Variants in CREM observed in about 807,000 individuals in gnomAD.
The protein encoded by CREM is cAMP-responsive element modulator.
Under a neutral mutation model 37.3 loss-of-function variants are expected in CREM, and 13 were observed. The observed-to-expected ratio is 0.35, with a 90% CI of 0.23 to 0.55. CREM has a LOEUF of 0.55. Among genes scored for constraint, CREM ranks in the 20% least tolerant of loss-of-function variants. The pLI, the probability that CREM is intolerant of heterozygous loss-of-function variation, is 0.88. For synonymous variants in CREM, 124 were observed against 120.2 expected (o/e 1.03, Z -0.21); for missense variants, 296 against 362.3 (o/e 0.82, Z 1.49).
chr10:35,194,871 C>G (rs1171605169), intron 6 of CREM, among the ~76,000 whole-genome samples: 1 of 151,040 alleles, frequency 6.6e-6, no homozygotes, highest in Admixed American at 6.6e-5. Flanking sequence ...CTGTAAGATA[C>G]AATCATGTAA....
At position 35,126,868 on chromosome 10, in the gene CREM, C is replaced by G. The variant is rs2135177601; in HGVS notation, c.-380C>G. On this transcript the variant is annotated 5_prime_UTR_variant, in exon 1 of 8. Transcript: ENST00000685392. ...TTCATTGTTGGATTGTGGCGCTTCA[C>G]TCCTGCTGGCGGCCGGCAGGGGGCG... 6.6e-6 allele frequency: 1 copy of G among 152,456 alleles called. No homozygotes were observed. Among genetic ancestry groups the G allele is most frequent in the South Asian group, 2.1e-4 (1 of 4,830 alleles). 9.4% of individuals were successfully genotyped at this position (152,456 alleles called of 1,614,324 possible).
chr10:35,156,291 C>G (rs11598666), intron 3 of CREM, among the ~76,000 whole-genome samples: 44,205 of 151,310 alleles, frequency 0.29, 6,992 homozygotes, highest in South Asian at 0.35. Context: ...CTCTGTCACC[C>G]AGGCTGGAGT....
chr10:35,167,536 C>G (rs543572164), intron 3 of CREM: 2 of 577,024 alleles, frequency 3.5e-6, no homozygotes, highest in African/African-American at 3.7e-5. Context: ...CGTGAGGGAA[C>G]CTAGCTACGG....
At chr10:35,201,442 A>G (rs2095380870) in intron 6 of CREM, 1 of 1,551,614 alleles carries the variant, frequency 6.4e-7, no homozygotes, top group Non-Finnish European at 8.7e-7. Context: ...CTGTATCCCC[A>G]TTTTACAGAT....
chr10:35,137,824 A>G lies in CREM; in HGVS notation c.-12A>G, dbSNP rs374275378. On this transcript the variant is annotated 5_prime_UTR_variant, in exon 2 of 8. Transcript: ENST00000685392. The stretch of plus-strand genomic sequence containing the variant: ...GGAAAGGAGGAAAGCATTGATTACA[A>G]ATATCTTAACAATGAGCAAATGTGC... 92 of 1,557,740 alleles carry G rather than the reference A, an allele frequency of 5.9e-5. No homozygotes were observed. The highest frequency in any genetic ancestry group is 2.8e-4 in the East Asian group (12 of 43,134).
At chr10:35,205,412 C>T (rs1212780397) in intron 6 of CREM, among the ~76,000 whole-genome samples, 3 of 152,110 alleles carry the variant, frequency 2.0e-5, no homozygotes, top group African/African-American at 7.2e-5. Flanking sequence ...TTAAGCAGAG[C>T]TTTGCTGGGT....
intron 6 of CREM, among the ~76,000 whole-genome samples, chr10:35,199,720 G>A (rs1026523113): frequency 2.6e-5 from 4 of 152,100 alleles, no homozygotes; most frequent in Non-Finnish European, 4.4e-5. Context: ...ACCCGTTCGA[G>A]TCTTCAGAAT....
intron 3 of CREM, among the ~76,000 whole-genome samples, chr10:35,158,821 G>GTT (rs1271855315): frequency 2.2e-4 from 14 of 62,354 alleles, no homozygotes; most frequent in South Asian, 5.7e-4. Context: ...TGTTTTGTTT[G>GTT]TTTTTTTTTT....
At chr10:35,175,641 A>ATG (rs2094021626) in intron 3 of CREM, 1 of 1,609,166 alleles carries the variant, frequency 6.2e-7, no homozygotes, top group Non-Finnish European at 8.5e-7. Flanking sequence ...GATAAGGAGC[A>ATG]TGTGTTCCTT....
chr10:35,209,897 C>T (rs1438773793), intron 7 of CREM, among the ~76,000 whole-genome samples: 1 of 152,056 alleles, frequency 6.6e-6, no homozygotes, highest in African/African-American at 2.4e-5. Flanking sequence ...TGTTAACCAG[C>T]TGAGAAGTCT....
intron 3 of CREM, among the ~76,000 whole-genome samples, chr10:35,178,618 C>T (rs996374705): frequency 7.3e-5 from 11 of 151,670 alleles, no homozygotes; most frequent in African/African-American, 2.7e-4. Flanking sequence ...CCTCATTTGA[C>T]ATCCCAACCA....
Position 35,196,241 on chromosome 10 carries a change from A to C in CREM, c.598+7853A>C, listed in dbSNP as rs951132681. 1.1e-4 allele frequency: 79 copies of C among 694,134 alleles called. No homozygotes were observed. The African/African-American group carries it at 1.2e-3, about 11-fold the overall frequency. 43.0% of individuals were successfully genotyped at this position (694,134 alleles called of 1,614,324 possible). On this transcript the variant is annotated intron_variant, in intron 6 of 7. Coordinates refer to ENST00000685392, the MANE Select transcript of CREM (RefSeq NM_183011.2). ...GGAACTTGCGATTCAGAGCTCCTCT[A>C]GTGTTCAGTCAGGGAAGTGCTTGTC...
At position 35,211,978 on chromosome 10, in the gene CREM, T is replaced by A. The variant is rs913393335; in HGVS notation, c.*580T>A. ...GTTAAGTCGTAGCTATAACTTCAAA[T>A]TTTTTAAAAGAGACAAACTGTAAAA... On this transcript the variant is annotated 3_prime_UTR_variant, in exon 8 of 8. Transcript: ENST00000685392. 5.3e-6 allele frequency: 3 copies of A among 563,782 alleles called. No homozygotes were observed. The highest frequency in any genetic ancestry group is 3.9e-5 in the African/African-American group (2 of 51,538). 34.9% of individuals were successfully genotyped at this position (563,782 alleles called of 1,614,324 possible).
chr10:35,176,815 C>A (rs900478410), intron 3 of CREM, among the ~76,000 whole-genome samples: 1 of 152,012 alleles, frequency 6.6e-6, no homozygotes, highest in African/African-American at 2.4e-5. Flanking sequence ...ATACATAATT[C>A]TTGGTAAGAT....
At chr10:35,161,951 G>A (rs2093320681) in intron 3 of CREM, among the ~76,000 whole-genome samples, 1 of 152,190 alleles carries the variant, frequency 6.6e-6, no homozygotes, top group Non-Finnish European at 1.5e-5. Flanking sequence ...TGAAAGCAGT[G>A]TGTGGAAGAG....
chr10:35,154,181 C>T (rs1156391958), intron 3 of CREM: 1 of 397,764 alleles, frequency 2.5e-6, no homozygotes, highest in Non-Finnish European at 4.4e-6. Context: ...TGTAAATTTT[C>T]TTTTTTAATC....
intron 6 of CREM, chr10:35,201,470 C>G: frequency 1.9e-6 from 3 of 1,551,546 alleles, no homozygotes. Context: ...CTGAACTTGC[C>G]CCAAGTCACA....
intron 3 of CREM, among the ~76,000 whole-genome samples, chr10:35,172,329 T>G (rs2132761410): frequency 6.6e-6 from 1 of 152,296 alleles, no homozygotes; most frequent in South Asian, 2.1e-4. Flanking sequence ...ATAGCTGTTT[T>G]CAAAGTGTGG....
At chr10:35,176,069 A>G (rs2094056091) in intron 3 of CREM, 1 of 1,497,568 alleles carries the variant, frequency 6.7e-7, no homozygotes, top group Admixed American at 2.5e-5. Context: ...TCACTAATTC[A>G]TTTATCATTT....
Sources: gnomAD v4.1 joint callset for allele counts (sites outside exome capture counted in the v4.1 genomes callset) on GRCh38, gnomAD v4.1.1 for gene constraint, MANE v1.5 for transcripts, NCBI Gene and HGNC (gene_info 2026-07-23, HGNC 2026-07-21) for gene names.